Variants in ANKRD55 observed in about 807,000 individuals in gnomAD.
ANKRD55 encodes ankyrin repeat domain-containing protein 55.
ANKRD55 carries 41 observed loss-of-function variants against 60.6 expected under a neutral mutation model. The observed-to-expected ratio is 0.68, with a 90% CI of 0.53 to 0.88. The LOEUF (loss-of-function observed/expected upper bound fraction) is 0.88, where lower values mean the gene tolerates loss of function less well. Among genes scored for constraint, ANKRD55 ranks in the 40% least tolerant of loss-of-function variants. The pLI, the probability that ANKRD55 is intolerant of heterozygous loss-of-function variation, is 0.00. For synonymous variants in ANKRD55, 264 were observed against 290.3 expected (o/e 0.91, Z 0.92); for missense variants, 732 against 767.6 (o/e 0.95, Z 0.55).
intron 11 of ANKRD55, 23 bp downstream of exon 11, chr5:56,102,471 T>C (rs1195253099): frequency 6.0e-6 from 9 of 1,492,940 alleles, no homozygotes; most frequent in Non-Finnish European, 8.4e-6. Context: ...CAAAGGAAGC[T>C]GCGGAAGATT....
At chr5:56,121,669 C>T (rs1207338865) in intron 8 of ANKRD55, among the ~76,000 whole-genome samples, 3 of 151,670 alleles carry the variant, frequency 2.0e-5, no homozygotes, top group Admixed American at 6.6e-5. Flanking sequence ...CCACACCCGG[C>T]CAGTGTTCCA....
intron 5 of ANKRD55, among the ~76,000 whole-genome samples, chr5:56,166,095 T>TTTCTTTCTTTCTTTCTTTC (rs1554040784): frequency 0.038 from 1,026 of 27,174 alleles, 57 homozygotes; most frequent in Admixed American, 0.074. Context: ...TTTTTCTTTC[T>TTTCTTTCTTTCTTTCTTTC]TTCTTTCTTT....
At chr5:56,113,099 G>A (rs1756784492) in intron 9 of ANKRD55, among the ~76,000 whole-genome samples, 1 of 152,184 alleles carries the variant, frequency 6.6e-6, no homozygotes, top group African/African-American at 2.4e-5. Flanking sequence ...AGCATCTTGT[G>A]TAAGCCATCT....
chr5:56,188,884 A>G (rs186909633), intron 2 of ANKRD55, among the ~76,000 whole-genome samples: 15 of 152,340 alleles, frequency 9.8e-5, no homozygotes, highest in African/African-American at 3.4e-4. Flanking sequence ...AATTAGCTCT[A>G]TAGAAATAAA....
chr5:56,176,435 T>C (rs1758741383), intron 3 of ANKRD55, among the ~76,000 whole-genome samples, 153 bp from the exon 4 acceptor site: 2 of 152,236 alleles, frequency 1.3e-5, no homozygotes, highest in African/African-American at 4.8e-5. Context: ...TGTTGCTACA[T>C]CTCTATAAAC....
chr5:56,141,130 G>T (rs1378486744), intron 7 of ANKRD55, among the ~76,000 whole-genome samples: 27 of 111,760 alleles, frequency 2.4e-4, no homozygotes, highest in South Asian at 1.2e-3. Context: ...TGCACACACA[G>T]TTTTTTTTTT....
rs1428649118 is a variant in ANKRD55 at position 56,135,272 on chromosome 5, C to CCTTCCTTCCTTCTT, written c.613-8167_613-8166insAAGAAGGAAGGAAG. 5.6e-4 allele frequency among the ~76,000 whole-genome samples: 58 copies of CCTTCCTTCCTTCTT among 104,196 alleles called. 4 individuals are homozygous for CCTTCCTTCCTTCTT. The highest frequency in any genetic ancestry group is 1.8e-3 in the African/African-American group (41 of 23,190). The allele number at this position is 104,196 out of a possible 152,430, so 68.4% of individuals were successfully genotyped here. Reference sequence around the variant, plus strand: ...CTTCCTTCCTTCCTTCTTTCCCTCCCTCCCTCCCTGCCTGCCTGCTTGCTT... The same window carrying CCTTCCTTCCTTCTT: ...CTTCCTTCCTTCCTTCTTTCCCTCCCCTTCCTTCCTTCTTTCCCTCCCTGCCTGCCTGCTTGCTT... On this transcript the variant is annotated intron_variant, in intron 7 of 11. Coordinates refer to ENST00000341048, the MANE Select transcript of ANKRD55 (RefSeq NM_024669.3).
intron 2 of ANKRD55, chr5:56,193,278 G>A (rs929844726): frequency 3.7e-6 from 4 of 1,083,040 alleles, no homozygotes; most frequent in African/African-American, 3.2e-5. Flanking sequence ...TTAGCACTGG[G>A]GAGATGCATG....
intron 10 of ANKRD55, among the ~76,000 whole-genome samples, chr5:56,103,013 C>G (rs1403252653): frequency 6.6e-6 from 1 of 152,142 alleles, no homozygotes; most frequent in African/African-American, 2.4e-5. Context: ...ATCTAAGAAG[C>G]TAGAAAACAT....
intron 5 of ANKRD55, among the ~76,000 whole-genome samples, chr5:56,169,499 T>G (rs1758558810): frequency 6.6e-6 from 1 of 152,104 alleles, no homozygotes; most frequent in Admixed American, 6.5e-5. Context: ...GTTAACTGTC[T>G]GGGTTTGCTG....
chr5:56,149,843 CT>C (rs763644589), intron 6 of ANKRD55, among the ~76,000 whole-genome samples: 3,780 of 140,246 alleles, frequency 0.027, 62 homozygotes, highest in African/African-American at 0.047. Flanking sequence ...TCACTAACTT[CT>C]TTTTTTTTTT....
chr5:56,187,129 G>T (rs758526107), intron 2 of ANKRD55, among the ~76,000 whole-genome samples: 5 of 152,166 alleles, frequency 3.3e-5, no homozygotes, highest in Non-Finnish European at 7.3e-5. Flanking sequence ...AATCTAATTA[G>T]ATAGTATTTA....
intron 8 of ANKRD55, among the ~76,000 whole-genome samples, chr5:56,126,544 T>C (rs1310862303): frequency 5.3e-5 from 8 of 151,968 alleles, no homozygotes; most frequent in Admixed American, 3.9e-4. Context: ...ATTATGTTCT[T>C]CTCTGGATAA....
intron 7 of ANKRD55, among the ~76,000 whole-genome samples, chr5:56,132,233 G>A (rs1029750989): frequency 6.6e-6 from 1 of 151,608 alleles, no homozygotes; most frequent in African/African-American, 2.4e-5. Flanking sequence ...AAGTAAAAAA[G>A]GAAGTATAAC....
At chr5:56,172,261 T>C (rs1490017097) in intron 4 of ANKRD55, among the ~76,000 whole-genome samples, 5 of 152,168 alleles carry the variant, frequency 3.3e-5, no homozygotes, top group Non-Finnish European at 7.3e-5. Flanking sequence ...AAATATTGAA[T>C]ATGATTTTGT....
intron 2 of ANKRD55, among the ~76,000 whole-genome samples, chr5:56,209,958 AT>A (rs1469590481): frequency 2.6e-5 from 4 of 152,286 alleles, no homozygotes; most frequent in African/African-American, 4.8e-5. Flanking sequence ...ATTAAAAAAA[AT>A]TAATGCTGAT....
At chr5:56,177,601 AC>A (rs1032434811) in intron 3 of ANKRD55, among the ~76,000 whole-genome samples, 1 of 151,898 alleles carries the variant, frequency 6.6e-6, no homozygotes, top group African/African-American at 2.4e-5. Flanking sequence ...ACATGGTGAA[AC>A]CCTGTCTAAA....
At chr5:56,216,168 A>G (rs1484260739) in intron 2 of ANKRD55, among the ~76,000 whole-genome samples, 1 of 152,046 alleles carries the variant, frequency 6.6e-6, no homozygotes, top group Non-Finnish European at 1.5e-5. Context: ...AATATATATT[A>G]TTATCATATC....
intron 5 of ANKRD55, among the ~76,000 whole-genome samples, chr5:56,164,142 T>A (rs1388709517): frequency 6.6e-6 from 1 of 152,162 alleles, no homozygotes; most frequent in African/African-American, 2.4e-5. Context: ...ATTAATTTTT[T>A]AATAGCTCCT....
Sources: allele counts gnomAD v4.1 joint callset (sites outside exome capture counted in the v4.1 genomes callset), GRCh38; gene constraint gnomAD v4.1.1; transcripts MANE v1.5; gene names NCBI Gene and HGNC (gene_info 2026-07-23, HGNC 2026-07-21).